Variants in GALNT13 observed in about 807,000 individuals in gnomAD.
The protein encoded by GALNT13 is UDP-GalNAc:polypeptide N-acetylgalactosaminyltransferase 13.
Under a neutral mutation model 64.2 loss-of-function variants are expected in GALNT13, and 28 were observed. That is an observed-to-expected ratio of 0.44 (90% CI 0.32 to 0.60). The LOEUF (loss-of-function observed/expected upper bound fraction) is 0.60, where lower values mean the gene tolerates loss of function less well. Ranked by LOEUF, GALNT13 falls within the 20% of genes least tolerant of loss-of-function variation. GALNT13 has a pLI of 0.05. For synonymous variants in GALNT13, 214 were observed against 224.6 expected (o/e 0.95, Z 0.42); for missense variants, 577 against 669.8 (o/e 0.86, Z 1.53).
the GALNT13 span, among the ~76,000 whole-genome samples, chr2:153,492,472 G>A: frequency 6.6e-6 from 1 of 152,294 alleles, no homozygotes; most frequent in African/African-American, 2.4e-5. Context: ...TCAATAACAG[G>A]TGAGTGCAAG....
chr2:153,151,327 A>G, the GALNT13 span, among the ~76,000 whole-genome samples: 2 of 152,150 alleles, frequency 1.3e-5, no homozygotes, highest in African/African-American at 4.8e-5. Context: ...AAATCAGGAA[A>G]CAACAGGTGC....
At chr2:153,726,317 A>C in the GALNT13 span, among the ~76,000 whole-genome samples, 1 of 152,094 alleles carries the variant, frequency 6.6e-6, no homozygotes, top group Non-Finnish European at 1.5e-5. Context: ...ACTCTCATAG[A>C]TGTGACTCGT....
At chr2:153,664,512 A>C in the GALNT13 span, among the ~76,000 whole-genome samples, 2 of 152,130 alleles carry the variant, frequency 1.3e-5, no homozygotes, top group South Asian at 4.1e-4. Context: ...CGCAATCATC[A>C]CAAGGTCCTG....
the GALNT13 span, among the ~76,000 whole-genome samples, chr2:153,862,789 A>G: frequency 1.3e-5 from 2 of 151,942 alleles, no homozygotes; most frequent in Non-Finnish European, 2.9e-5. Flanking sequence ...GAATTAATGG[A>G]CTGTTACGCA....
the GALNT13 span, among the ~76,000 whole-genome samples, chr2:153,116,106 G>C: frequency 6.6e-6 from 1 of 152,106 alleles, no homozygotes; most frequent in Non-Finnish European, 1.5e-5. Context: ...TAAAGGACAA[G>C]GAGATTTAAA....
chr2:153,847,813 CAGAA>C, the GALNT13 span, among the ~76,000 whole-genome samples: 1 of 152,104 alleles, frequency 6.6e-6, no homozygotes, highest in Non-Finnish European at 1.5e-5. Context: ...AGAAATGCTT[CAGAA>C]AGAAAGAAGT....
At chr2:154,440,844 A>T (rs1319871920) in intron 12 of GALNT13, among the ~76,000 whole-genome samples, 1 of 152,168 alleles carries the variant, frequency 6.6e-6, no homozygotes, top group East Asian at 1.9e-4. Context: ...TGGAAATTTC[A>T]GCTTTGATGT....
the GALNT13 span, among the ~76,000 whole-genome samples, chr2:153,191,313 T>C: frequency 6.6e-6 from 1 of 152,138 alleles, no homozygotes; most frequent in Non-Finnish European, 1.5e-5. Flanking sequence ...ATGCTTTTTC[T>C]TCACCTATTA....
At chr2:153,509,849 G>C in the GALNT13 span, among the ~76,000 whole-genome samples, 2 of 152,156 alleles carry the variant, frequency 1.3e-5, no homozygotes, top group Admixed American at 6.5e-5. Context: ...AAGAAGCCTA[G>C]TTTCATTTCA....
At chr2:154,172,049 C>A (rs949683957) in intron 4 of GALNT13, among the ~76,000 whole-genome samples, 3 of 151,204 alleles carry the variant, frequency 2.0e-5, no homozygotes, top group African/African-American at 7.3e-5. Flanking sequence ...TAAGTTTGAG[C>A]CTCAAATATG....
chr2:153,402,461 C>G, the GALNT13 span, among the ~76,000 whole-genome samples: 1 of 151,784 alleles, frequency 6.6e-6, no homozygotes, highest in Non-Finnish European at 1.5e-5. Context: ...TTTCCTGAAT[C>G]TGAATGTTGG....
chr2:153,815,761 G>A, the GALNT13 span, among the ~76,000 whole-genome samples: 1 of 151,964 alleles, frequency 6.6e-6, no homozygotes, highest in Non-Finnish European at 1.5e-5. Context: ...ATAATATCTT[G>A]AGGAAAGTTT....
chr2:153,301,309 C>CAAAAAAAAAAAAGA, the GALNT13 span, among the ~76,000 whole-genome samples: 3 of 76,432 alleles, frequency 3.9e-5, 1 homozygote, highest in African/African-American at 2.0e-4. Context: ...GACTCCTTCT[C>CAAAAAAAAAAAAGA]AAAAAAAAAG....
intron 1 of GALNT13, among the ~76,000 whole-genome samples, chr2:153,891,770 C>A (rs1366758166): frequency 2.0e-5 from 3 of 152,072 alleles, no homozygotes; most frequent in African/African-American, 7.2e-5. Context: ...AAAAGCTCTA[C>A]AGGTTAAATT....
chr2:153,325,341 A>T, the GALNT13 span, among the ~76,000 whole-genome samples: 13 of 151,948 alleles, frequency 8.6e-5, no homozygotes, highest in East Asian at 1.7e-3. Context: ...ATCAGTGGTG[A>T]TATCCACTTT....
chr2:153,540,815 G>T, the GALNT13 span, among the ~76,000 whole-genome samples: 1 of 152,324 alleles, frequency 6.6e-6, no homozygotes, highest in East Asian at 1.9e-4. Context: ...CATTTGGAAT[G>T]TGTGTATTTA....
intron 8 of GALNT13, among the ~76,000 whole-genome samples, chr2:154,281,507 C>T (rs1284403250): frequency 6.6e-6 from 1 of 152,084 alleles, no homozygotes; most frequent in Non-Finnish European, 1.5e-5. Context: ...GGTCAGAAAA[C>T]TCCAAGGCAA....
intron 1 of GALNT13, among the ~76,000 whole-genome samples, chr2:153,888,833 A>C (rs1687358111): frequency 6.6e-6 from 1 of 151,928 alleles, no homozygotes; most frequent in South Asian, 2.1e-4. Flanking sequence ...ACCAATTATA[A>C]TTATTTTATT....
the GALNT13 span, among the ~76,000 whole-genome samples, chr2:153,526,655 A>T: frequency 6.6e-6 from 1 of 152,220 alleles, no homozygotes; most frequent in Non-Finnish European, 1.5e-5. Flanking sequence ...ACAAATATGT[A>T]CAAGTATTGA....
Sources: gnomAD v4.1 joint callset for allele counts (sites outside exome capture counted in the v4.1 genomes callset) on GRCh38, gnomAD v4.1.1 for gene constraint, MANE v1.5 for transcripts, NCBI Gene and HGNC (gene_info 2026-07-23, HGNC 2026-07-21) for gene names.